METTL15: variants seen among roughly 807,000 people sequenced by gnomAD.
METTL15 encodes the protein methyltransferase 15, mitochondrial 12S rRNA N4-cytidine.
In METTL15, 34 loss-of-function variants were observed where a neutral mutation model predicts 38.3. The ratio of observed to expected loss-of-function variants is 0.89; its 90% CI spans 0.68 to 1.18. The LOEUF (loss-of-function observed/expected upper bound fraction) is 1.18. Ranked by LOEUF, METTL15 falls within the 50% of genes most tolerant of loss-of-function variation. The pLI, the probability that METTL15 is intolerant of heterozygous loss-of-function variation, is 0.00. For synonymous variants in METTL15, 162 were observed against 170.9 expected (o/e 0.95, Z 0.41); for missense variants, 438 against 498.4 (o/e 0.88, Z 1.15).
Position 28,524,192 on chromosome 11 carries a change from A to G in METTL15, c.*425-2286A>G, listed in dbSNP as rs1178830342. Among the ~76,000 whole-genome samples the G allele has an allele frequency of 2.0e-5, 3 of 152,234 alleles. No individual in the cohort carries two copies. The East Asian group carries it at 5.8e-4, about 29-fold the overall frequency. The stretch of plus-strand genomic sequence containing the variant: ...GCCAGACAGTCAGAGAATACCAAAA[A>G]TTTTTGATTTTTTTGAAAATCACTT... On this transcript the variant is annotated intron_variant and NMD_transcript_variant, in intron 6 of 7. Coordinates refer to the METTL15 transcript ENST00000532947.
intron 6 of METTL15, among the ~76,000 whole-genome samples, chr11:28,486,390 T>C (rs1179079716): frequency 2.0e-5 from 3 of 151,892 alleles, no homozygotes; most frequent in Admixed American, 6.6e-5. Context: ...ATGTGTTTTT[T>C]CCTTTTTTTT....
At chr11:28,297,088 G>A (rs1856767559) in intron 6 of METTL15, among the ~76,000 whole-genome samples, 157 bp downstream of exon 6, 1 of 151,946 alleles carries the variant, frequency 6.6e-6, no homozygotes, top group South Asian at 2.1e-4. Flanking sequence ...ATAGAATCTT[G>A]CCTATCCTTC....
chr11:28,345,689 G>A (rs893064871), intron 3 of METTL15, among the ~76,000 whole-genome samples: 7 of 152,116 alleles, frequency 4.6e-5, no homozygotes, highest in Non-Finnish European at 1.0e-4. Context: ...AGGACCAGTG[G>A]ATTTGGTGCG....
At chr11:28,281,251 T>C (rs1856043238) in intron 4 of METTL15, among the ~76,000 whole-genome samples, 1 of 152,218 alleles carries the variant, frequency 6.6e-6, no homozygotes, top group Non-Finnish European at 1.5e-5. Flanking sequence ...TTGACCTTTC[T>C]ACTAGTTTAA....
At chr11:28,318,743 AC>A (rs1321075264) in intron 6 of METTL15, among the ~76,000 whole-genome samples, 2 of 152,202 alleles carry the variant, frequency 1.3e-5, no homozygotes, top group African/African-American at 4.8e-5. Context: ...TTTTTCAAAT[AC>A]AAAAACAACT....
chr11:28,371,207 T>C (rs2133375354), intron 5 of METTL15, among the ~76,000 whole-genome samples: 1 of 152,168 alleles, frequency 6.6e-6, no homozygotes, highest in African/African-American at 2.4e-5. Flanking sequence ...TGATTTGATT[T>C]TTGAGAAATA....
intron 6 of METTL15, among the ~76,000 whole-genome samples, chr11:28,448,317 A>G (rs1413033717): frequency 2.6e-5 from 4 of 152,166 alleles, no homozygotes. Flanking sequence ...TGGTGACTAC[A>G]TCCACCTTCA....
intron 3 of METTL15, among the ~76,000 whole-genome samples, chr11:28,342,528 A>G (rs993002123): frequency 1.3e-4 from 20 of 151,946 alleles, no homozygotes; most frequent in African/African-American, 4.6e-4. Flanking sequence ...CTCCCAAAGT[A>G]CTATAACTAC....
chr11:28,237,619 G>A (rs780561889), intron 4 of METTL15, among the ~76,000 whole-genome samples: 25 of 152,190 alleles, frequency 1.6e-4, no homozygotes, highest in African/African-American at 3.9e-4. Flanking sequence ...GTCATTCTCC[G>A]TCCAGCTTTG....
chr11:28,170,357 G>A (rs1590858598), intron 3 of METTL15, among the ~76,000 whole-genome samples: 1 of 152,208 alleles, frequency 6.6e-6, no homozygotes, highest in Middle Eastern at 3.4e-3. Flanking sequence ...GGGGTTGTGG[G>A]TGAAGCTGTT....
At chr11:28,404,747 A>G (rs1850660104) in intron 5 of METTL15, among the ~76,000 whole-genome samples, 1 of 152,140 alleles carries the variant, frequency 6.6e-6, no homozygotes, top group Admixed American at 6.6e-5. Context: ...CTGCGAAGAT[A>G]ATGCAGAAAA....
intron 1 of METTL15, among the ~76,000 whole-genome samples, chr11:28,109,640 A>G (rs1851632629): frequency 6.6e-6 from 1 of 152,214 alleles, no homozygotes; most frequent in South Asian, 2.1e-4. Context: ...ATCCAGTCTG[A>G]AAATATGCAT....
At chr11:28,363,173 T>C (rs1850155284) in intron 5 of METTL15, among the ~76,000 whole-genome samples, 1 of 152,124 alleles carries the variant, frequency 6.6e-6, no homozygotes, top group Non-Finnish European at 1.5e-5. Flanking sequence ...TCTTCTTTTT[T>C]TTATTTTTTA....
intron 6 of METTL15, among the ~76,000 whole-genome samples, chr11:28,479,029 A>G (rs1386846701): frequency 6.7e-6 from 1 of 150,284 alleles, no homozygotes; most frequent in African/African-American, 2.5e-5. Flanking sequence ...TTGTACTTTG[A>G]AAACTCTAGT....
chr11:28,197,927 A>C (rs571107352), intron 3 of METTL15, among the ~76,000 whole-genome samples: 28 of 152,236 alleles, frequency 1.8e-4, no homozygotes, highest in African/African-American at 6.5e-4. Flanking sequence ...TGTGCCAAAA[A>C]AGATTTTTTT....
intron 6 of METTL15, among the ~76,000 whole-genome samples, chr11:28,490,328 C>T (rs950906182): frequency 4.7e-4 from 71 of 152,122 alleles, no homozygotes; most frequent in Non-Finnish European, 1.2e-4. Flanking sequence ...GCTAAATGTT[C>T]CTTGTAGCTG....
At chr11:28,280,978 G>C (rs1856033776) in intron 4 of METTL15, among the ~76,000 whole-genome samples, 1 of 151,866 alleles carries the variant, frequency 6.6e-6, no homozygotes, top group Non-Finnish European at 1.5e-5. Context: ...TCTGTATTCT[G>C]TATGTCTGTT....
At chr11:28,287,503 A>G (rs1007182255) in intron 4 of METTL15, 34 of 365,644 alleles carry the variant, frequency 9.3e-5, no homozygotes, top group East Asian at 7.0e-4. Context: ...ATCATGCTGC[A>G]TCATCACATT....
chr11:28,228,321 A>G (rs1408223495), intron 4 of METTL15, among the ~76,000 whole-genome samples: 2 of 150,430 alleles, frequency 1.3e-5, no homozygotes. Flanking sequence ...CAGCTCTGCT[A>G]TTTACTCACT....
Sources: gnomAD v4.1 joint callset for allele counts (sites outside exome capture counted in the v4.1 genomes callset) on GRCh38, gnomAD v4.1.1 for gene constraint, MANE v1.5 for transcripts, NCBI Gene and HGNC (gene_info 2026-07-23, HGNC 2026-07-21) for gene names.